The following EFNA5 variants were observed in gnomAD, a reference collection of about 807,000 sequenced individuals.
EFNA5 encodes the protein ephrin-A5.
A neutral mutation model predicts 22.9 loss-of-function variants in EFNA5; 5 were observed. The ratio of observed to expected loss-of-function variants is 0.22; its 90% CI spans 0.11 to 0.46. The LOEUF is 0.46. Among genes scored for constraint, EFNA5 ranks in the 20% least tolerant of loss-of-function variants. EFNA5 has a pLI of 0.99. For synonymous variants in EFNA5, 113 were observed against 112.2 expected (o/e 1.01, Z -0.04); for missense variants, 237 against 293.3 (o/e 0.81, Z 1.40).
intron 1 of EFNA5, among the ~76,000 whole-genome samples, chr5:107,488,426 A>G (rs1328813012): frequency 6.6e-6 from 1 of 152,058 alleles, no homozygotes; most frequent in East Asian, 1.9e-4. Context: ...GATGTGCTAG[A>G]CTCTTCTGCT....
At chr5:107,423,871 A>C (rs1286273869) in intron 2 of EFNA5, among the ~76,000 whole-genome samples, 2 of 152,226 alleles carry the variant, frequency 1.3e-5, no homozygotes, top group African/African-American at 4.8e-5. Context: ...AGAACTGCAA[A>C]GCATGTTTTA....
intron 1 of EFNA5, among the ~76,000 whole-genome samples, chr5:107,566,559 C>T (rs566450059): frequency 5.9e-5 from 9 of 152,152 alleles, no homozygotes; most frequent in African/African-American, 4.8e-5. Flanking sequence ...TTTTAAAACA[C>T]GTAAGCAAAT....
intron 1 of EFNA5, among the ~76,000 whole-genome samples, chr5:107,435,315 C>CTTTTTTTTTT (rs3999107): frequency 0.01 from 1,091 of 104,294 alleles, no homozygotes; most frequent in Non-Finnish European, 0.013. Flanking sequence ...TGAAGATGCT[C>CTTTTTTTTTT]TTTTTTTTTT....
chr5:107,483,885 T>C (rs887000014), intron 1 of EFNA5, among the ~76,000 whole-genome samples: 1 of 152,186 alleles, frequency 6.6e-6, no homozygotes, highest in African/African-American at 2.4e-5. Context: ...AATAACTACT[T>C]GCACTGCTAA....
chr5:107,426,941 G>A (rs1748824618), intron 2 of EFNA5: 1 of 344,540 alleles, frequency 2.9e-6, no homozygotes, highest in Non-Finnish European at 5.3e-6. Context: ...GAGCTTTGGA[G>A]AAGTCCTGGC....
intron 1 of EFNA5, among the ~76,000 whole-genome samples, chr5:107,544,252 G>A (rs1748105274): frequency 6.6e-6 from 1 of 152,180 alleles, no homozygotes; most frequent in African/African-American, 2.4e-5. Flanking sequence ...TCTGACAACA[G>A]AAGATGTGGC....
intron 1 of EFNA5, among the ~76,000 whole-genome samples, chr5:107,563,379 T>C (rs1176107723): frequency 6.6e-6 from 1 of 152,204 alleles, no homozygotes; most frequent in Non-Finnish European, 1.5e-5. Flanking sequence ...TTTCTTTCTC[T>C]TCCAAGTTCT....
chr5:107,533,029 T>C (rs975821991), intron 1 of EFNA5, among the ~76,000 whole-genome samples: 2 of 152,172 alleles, frequency 1.3e-5, no homozygotes, highest in African/African-American at 2.4e-5. Context: ...GAGATGTACC[T>C]TTTTTATTTA....
chr5:107,669,809 C>A (rs1334913145), intron 1 of EFNA5, among the ~76,000 whole-genome samples: 2 of 152,068 alleles, frequency 1.3e-5, no homozygotes, highest in South Asian at 2.1e-4. Context: ...AACTTTCTGG[C>A]ACCTTGAACC....
intron 1 of EFNA5, among the ~76,000 whole-genome samples, chr5:107,443,909 T>G (rs1293172282): frequency 6.6e-6 from 1 of 152,204 alleles, no homozygotes; most frequent in Admixed American, 6.5e-5. Context: ...AGATATGGTG[T>G]AAATGTAAAG....
At chr5:107,639,049 G>C (rs1046713773) in intron 1 of EFNA5, among the ~76,000 whole-genome samples, 4 of 152,148 alleles carry the variant, frequency 2.6e-5, no homozygotes, top group Non-Finnish European at 5.9e-5. Flanking sequence ...AAAGCACTCA[G>C]GTAGTAAAAA....
chr5:107,579,107 C>T (rs942859197), intron 1 of EFNA5, among the ~76,000 whole-genome samples: 4 of 152,154 alleles, frequency 2.6e-5, no homozygotes, highest in South Asian at 2.1e-4. Flanking sequence ...TACATACCCT[C>T]TCTACTCTTC....
chr5:107,462,878 A>C (rs1749868340), intron 1 of EFNA5, among the ~76,000 whole-genome samples: 1 of 152,180 alleles, frequency 6.6e-6, no homozygotes, highest in Admixed American at 6.6e-5. Flanking sequence ...TATGAATCTG[A>C]AGTTCATTCA....
At chr5:107,434,124 C>T (rs777286508) in intron 1 of EFNA5, among the ~76,000 whole-genome samples, 14 of 152,152 alleles carry the variant, frequency 9.2e-5, no homozygotes, top group Non-Finnish European at 1.9e-4. Context: ...CTTTGTCCTC[C>T]TAAGTATTTC....
chr5:107,591,449 T>C (rs899909193), intron 1 of EFNA5, among the ~76,000 whole-genome samples: 3 of 152,130 alleles, frequency 2.0e-5, no homozygotes, highest in Admixed American at 1.3e-4. Context: ...TTCCTTTGTG[T>C]TACCTGCTTT....
chr5:107,428,296 C>T (rs1009044528), intron 1 of EFNA5, among the ~76,000 whole-genome samples: 8 of 152,160 alleles, frequency 5.3e-5, no homozygotes, highest in African/African-American at 2.4e-5. Context: ...TTCTTTTAAT[C>T]CCTCAACAGG....
Position 107,407,229 on chromosome 5 carries a change from T to C in EFNA5, c.419-19458A>G, listed in dbSNP as rs1170826199. 3.9e-5 allele frequency among the ~76,000 whole-genome samples: 6 copies of C among 152,196 alleles called. No individual in the cohort carries two copies. The East Asian group carries it at 9.6e-4, about 24-fold the overall frequency. The stretch of plus-strand genomic sequence containing the variant: ...CCTAGGTTATTCTTGGTGACCTTTT[T>C]TGCAGTAATGCCGAGTAGGAGCAGC... On this transcript the variant is annotated intron_variant, in intron 2 of 4. Transcript: ENST00000333274.
intron 1 of EFNA5, among the ~76,000 whole-genome samples, chr5:107,575,037 G>A (rs532961101): frequency 7.9e-5 from 12 of 152,254 alleles, no homozygotes; most frequent in Non-Finnish European, 1.5e-4. Context: ...TGATGCTAAC[G>A]TGAAAAACCA....
intron 1 of EFNA5, among the ~76,000 whole-genome samples, chr5:107,626,632 G>A (rs1034093352): frequency 1.3e-5 from 2 of 152,120 alleles, no homozygotes; most frequent in Admixed American, 1.3e-4. Context: ...GTGGACAGAA[G>A]CCTTGTTGGA....
Sources: gnomAD v4.1 joint callset for allele counts (sites outside exome capture counted in the v4.1 genomes callset) on GRCh38, gnomAD v4.1.1 for gene constraint, MANE v1.5 for transcripts, NCBI Gene and HGNC (gene_info 2026-07-23, HGNC 2026-07-21) for gene names.